RPS6KC1: variants seen among roughly 807,000 people sequenced by gnomAD.
RPS6KC1 encodes inactive ribosomal protein S6 kinase delta-1.
Under a neutral mutation model 103.8 loss-of-function variants are expected in RPS6KC1, and 54 were observed. That is an observed-to-expected ratio of 0.52 (90% CI 0.42 to 0.65). The LOEUF (loss-of-function observed/expected upper bound fraction) is 0.65, where lower values mean the gene tolerates loss of function less well. Ranked by LOEUF, RPS6KC1 falls within the 30% of genes least tolerant of loss-of-function variation. RPS6KC1 has a pLI of 0.00. For synonymous variants in RPS6KC1, 439 were observed against 438.7 expected (o/e 1.00, Z -0.01); for missense variants, 1,151 against 1,253.8 (o/e 0.92, Z 1.24).
chr1:213,703,365 C>T, the RPS6KC1 span, among the ~76,000 whole-genome samples: 1 of 152,224 alleles, frequency 6.6e-6, no homozygotes, highest in East Asian at 1.9e-4. Context: ...AGTTTTTCTA[C>T]TTAGATAAGA....
the RPS6KC1 span, among the ~76,000 whole-genome samples, chr1:213,506,417 A>G: frequency 1.3e-5 from 2 of 152,216 alleles, no homozygotes; most frequent in Admixed American, 6.5e-5. Flanking sequence ...TGATTGTCCA[A>G]ACTCTCTCAC....
At chr1:213,816,558 C>T in the RPS6KC1 span, among the ~76,000 whole-genome samples, 7 of 152,232 alleles carry the variant, frequency 4.6e-5, no homozygotes, top group South Asian at 2.1e-4. Context: ...ACAGAGCAGC[C>T]GCTCATGGGG....
intron 8 of RPS6KC1, among the ~76,000 whole-genome samples, chr1:213,187,631 C>A (rs967360040): frequency 6.6e-6 from 1 of 151,724 alleles, no homozygotes; most frequent in African/African-American, 2.4e-5. Flanking sequence ...CTTATAACTA[C>A]TATTTTGAAT....
At chr1:213,366,292 A>G in the RPS6KC1 span, among the ~76,000 whole-genome samples, 2 of 152,240 alleles carry the variant, frequency 1.3e-5, no homozygotes, top group African/African-American at 4.8e-5. Context: ...GCACGGAGAC[A>G]ATGAATGGGA....
chr1:213,857,898 G>T, the RPS6KC1 span, among the ~76,000 whole-genome samples: 6 of 152,182 alleles, frequency 3.9e-5, no homozygotes, highest in Admixed American at 6.5e-5. Context: ...TCTCCCAAGG[G>T]TTTAACAAAG....
At chr1:213,842,339 G>C in the RPS6KC1 span, 1 of 152,160 alleles carries the variant, frequency 6.6e-6, no homozygotes, top group Admixed American at 6.5e-5. Context: ...GGGGTGATCA[G>C]GAAGACAGGA....
In RPS6KC1 at chr1:213,065,705, C is replaced by T. The variant is rs74140558; in HGVS notation, c.106-5301C>T. Reference sequence around the variant, plus strand: ...TGATTGTATTTTTATAATGCAGTTGCGTAGGAATCAGACCTAGTATATTCT... The same window carrying T: ...TGATTGTATTTTTATAATGCAGTTGTGTAGGAATCAGACCTAGTATATTCT... On this transcript the variant is annotated intron_variant, in intron 1 of 14. Coordinates refer to ENST00000366960, the MANE Select transcript of RPS6KC1 (RefSeq NM_012424.6). Among the ~76,000 whole-genome samples the T allele has an allele frequency of 2.6e-3, 399 of 152,178 alleles. 2 individuals are homozygous for T. The highest frequency in any genetic ancestry group is 8.7e-3 in the African/African-American group (363 of 41,504).
intron 6 of RPS6KC1, among the ~76,000 whole-genome samples, chr1:213,164,891 A>G (rs2090815355): frequency 6.6e-6 from 1 of 152,164 alleles, no homozygotes; most frequent in East Asian, 1.9e-4. Context: ...GCCTAAGCCC[A>G]CTGGAAATTC....
the RPS6KC1 span, among the ~76,000 whole-genome samples, chr1:213,667,328 C>T: frequency 6.6e-6 from 1 of 152,112 alleles, no homozygotes; most frequent in African/African-American, 2.4e-5. Flanking sequence ...AATAAAGTGA[C>T]TATCATAATA....
chr1:213,325,046 T>C, the RPS6KC1 span, among the ~76,000 whole-genome samples: 1 of 152,170 alleles, frequency 6.6e-6, no homozygotes. Flanking sequence ...ATTGCTGGCC[T>C]GCTTTCTCAT....
the RPS6KC1 span, among the ~76,000 whole-genome samples, chr1:213,282,301 C>T: frequency 6.6e-6 from 1 of 152,208 alleles, no homozygotes; most frequent in Non-Finnish European, 1.5e-5. Flanking sequence ...GATCCTGGAC[C>T]TGTTTTGCAA....
At chr1:213,363,670 CTTTCTTTCTT>C in the RPS6KC1 span, among the ~76,000 whole-genome samples, 1 of 101,992 alleles carries the variant, frequency 9.8e-6, no homozygotes, top group South Asian at 2.9e-4. Context: ...TTCTTTCTTT[CTTTCTTTCTT>C]TCTTTCTTTC....
At chr1:213,242,332 C>A in intron 11 of RPS6KC1, 35 bp downstream of exon 11, 1 of 1,605,922 alleles carries the variant, frequency 6.2e-7, no homozygotes, top group South Asian at 1.1e-5. Context: ...TCTTTTTATT[C>A]GCTGTTGCTT....
At chr1:213,065,122 G>A (rs756258035) in intron 1 of RPS6KC1, among the ~76,000 whole-genome samples, 4 of 151,350 alleles carry the variant, frequency 2.6e-5, no homozygotes, top group African/African-American at 7.3e-5. Context: ...GATTACAGAC[G>A]TCTGCTACCG....
the RPS6KC1 span, among the ~76,000 whole-genome samples, chr1:213,797,079 A>G: frequency 9.9e-5 from 15 of 152,208 alleles, no homozygotes; most frequent in African/African-American, 2.2e-4. Flanking sequence ...AAAACAGTCA[A>G]CAGAATCCAT....
the RPS6KC1 span, among the ~76,000 whole-genome samples, chr1:213,324,647 G>C: frequency 7.0e-6 from 1 of 143,710 alleles, no homozygotes; most frequent in Non-Finnish European, 1.5e-5. Flanking sequence ...GTTTGATGGA[G>C]GAATTCCAAG....
At chr1:213,094,354 A>T (rs1205140464) in intron 3 of RPS6KC1, among the ~76,000 whole-genome samples, 4 of 151,344 alleles carry the variant, frequency 2.6e-5, no homozygotes, top group Admixed American at 1.3e-4. Context: ...CCATCTTCAG[A>T]TTTCTGTAGT....
chr1:213,051,469 G>T lies in RPS6KC1; in HGVS notation c.65G>T (p.Arg22Leu), dbSNP rs755502592. The change falls in exon 1 of 15, where the codon CGA becomes CTA. Residue 22 changes from arginine to leucine, a missense_variant. Coordinates refer to ENST00000366960, the MANE Select transcript of RPS6KC1 (RefSeq NM_012424.6). ...ARFYTVTEPQ[R>L]HPRGYTVYKV... ...TTCTACACTGTCACCGAGCCCCAGCGACACCCGAGGGGCTACACAGTATAT... is the reference window on the plus strand; with the variant it reads ...TTCTACACTGTCACCGAGCCCCAGCTACACCCGAGGGGCTACACAGTATAT... The T allele has an allele frequency of 6.8e-6, 11 of 1,613,550 alleles. No homozygotes were observed. The African/African-American group carries it at 1.3e-4, about 20-fold the overall frequency.
At chr1:213,782,514 C>T in the RPS6KC1 span, among the ~76,000 whole-genome samples, 4 of 151,846 alleles carry the variant, frequency 2.6e-5, no homozygotes, top group Admixed American at 2.0e-4. Context: ...GAACATTACT[C>T]GGGACACATA....
Sources: gnomAD v4.1 joint callset for allele counts (sites outside exome capture counted in the v4.1 genomes callset) on GRCh38, gnomAD v4.1.1 for gene constraint, MANE v1.5 for transcripts, NCBI Gene and HGNC (gene_info 2026-07-23, HGNC 2026-07-21) for gene names.